The following WRAP73 variants were observed in gnomAD, a reference collection of about 807,000 sequenced individuals.
WRAP73 encodes WD repeat containing, antisense to TP73.
WRAP73 carries 55 observed loss-of-function variants against 59.6 expected under a neutral mutation model. That is an observed-to-expected ratio of 0.92 (90% CI 0.74 to 1.15). WRAP73 has a LOEUF of 1.15. WRAP73 is among the 50% of genes most tolerant of loss of function. The pLI, the probability that WRAP73 is intolerant of heterozygous loss-of-function variation, is 0.00. For synonymous variants in WRAP73, 265 were observed against 258.2 expected (o/e 1.03, Z -0.25); for missense variants, 592 against 608.1 (o/e 0.97, Z 0.28).
At position 3,646,573 on chromosome 1, in the gene WRAP73, C is replaced by A. The variant is rs1644692508; in HGVS notation, c.339+93G>T. On this transcript the variant is annotated intron_variant, in intron 3 of 11. Transcript: ENST00000270708. The surrounding 1 kb of genome is among the most constrained non-coding windows in gnomAD (Gnocchi z 5.1). ...CTGAGGATAAGGGGAGACTAGCATACTCCAAACACACCCCCTCTCGCACTC... is the reference window on the plus strand; with the variant it reads ...CTGAGGATAAGGGGAGACTAGCATAATCCAAACACACCCCCTCTCGCACTC... 4 of 1,030,068 alleles carry A rather than the reference C, an allele frequency of 3.9e-6. No homozygotes were observed. In the South Asian group the frequency reaches 4.8e-5, roughly 12 times the overall value. The allele number at this position is 1,030,068 out of a possible 1,614,324, so 63.8% of individuals were successfully genotyped here. A position where few individuals can be genotyped will look rare whatever the true frequency, so the allele number is the denominator to read the frequency against.
chr1:3,648,376 T>C (rs191565065), intron 1 of WRAP73, among the ~76,000 whole-genome samples: 8 of 152,346 alleles, frequency 5.3e-5, no homozygotes, highest in Admixed American at 5.2e-4. Context: ...GTAGTTTGTG[T>C]TTTATGAACC....
In WRAP73 at chr1:3,646,711, G is replaced by C. The variant is rs763213069; in HGVS notation, c.294C>G (p.Cys98Trp). 1.2e-6 allele frequency: 2 copies of C among 1,608,706 alleles called. No individual in the cohort carries two copies. The highest frequency in any genetic ancestry group is 2.2e-5 in the South Asian group (2 of 90,894). Reference sequence around the variant, plus strand: ...GAATGTGGCGCCCGTCCGGGCTCCAGCACGAGGCCACCAGCCCGGCTGAGC... The same window carrying C: ...GAATGTGGCGCCCGTCCGGGCTCCACCACGAGGCCACCAGCCCGGCTGAGC... ...DEGSAGLVAS[C>W]WSPDGRHILN... is the part of the protein sequence containing the mutation. Residue 98 changes from cysteine (C) to tryptophan (W), a missense_variant, in exon 3 of 12, where the codon TGC (cysteine) becomes TGG (tryptophan). Cys to Trp is a radical substitution (Grantham distance 215). Coordinates refer to ENST00000270708, the MANE Select transcript of WRAP73 (RefSeq NM_017818.4). This position sits in a 1 kb window ranked among gnomAD's most constrained non-coding sequence, Gnocchi z 5.1.
intron 9 of WRAP73, 178 bp downstream of exon 9, chr1:3,633,220 T>G (rs577062215): frequency 3.1e-6 from 2 of 648,048 alleles, no homozygotes; most frequent in Admixed American, 5.3e-5. Flanking sequence ...CACGGCCCAC[T>G]GCGCAATTCA....
In WRAP73 at chr1:3,647,346, AC is replaced by A. The variant is rs1316942590; in HGVS notation, c.222+61del. ...TCAAACTAGAAAGGCACAGAACAAAACCCCTCCTTCCCAGGGGCCCTCAGAA... is the reference window on the plus strand; with the variant it reads ...TCAAACTAGAAAGGCACAGAACAAAACCCTCCTTCCCAGGGGCCCTCAGAA... On this transcript the variant is annotated intron_variant, in intron 2 of 11. Coordinates refer to ENST00000270708, the MANE Select transcript of WRAP73 (RefSeq NM_017818.4). 6 of 1,509,702 alleles carry A rather than the reference AC, an allele frequency of 4.0e-6. No individual in the cohort carries two copies. In the East Asian group the frequency reaches 1.5e-4, roughly 37 times the overall value. The allele number at this position is 1,509,702 out of a possible 1,614,324, so 93.5% of individuals were successfully genotyped here.
chr1:3,633,952 G>C (rs1644565499), intron 8 of WRAP73: 1 of 162,258 alleles, frequency 6.2e-6, no homozygotes, highest in Admixed American at 6.0e-5. Flanking sequence ...TCAGTGGAAG[G>C]CGGGCAGCCC....
At chr1:3,636,328 G>A (rs1008900181) in intron 5 of WRAP73, 18 of 404,996 alleles carry the variant, frequency 4.4e-5, no homozygotes, top group South Asian at 1.2e-4. Flanking sequence ...CCCCGAGGGC[G>A]GCTTGGTCTC....
intron 9 of WRAP73, 26 bp from the exon 10 acceptor site, chr1:3,632,364 C>T: frequency 1.2e-6 from 2 of 1,614,010 alleles, no homozygotes; most frequent in Non-Finnish European, 1.7e-6. Flanking sequence ...GAAGAACACG[C>T]CATTGTCACC....
chr1:3,633,664 C>T, intron 8 of WRAP73, 161 bp from the exon 9 acceptor site: 1 of 601,790 alleles, frequency 1.7e-6, no homozygotes, highest in South Asian at 2.2e-5. Flanking sequence ...CCCCGCAGTC[C>T]CGAGAGCTGA....
intron 10 of WRAP73, chr1:3,631,987 T>A: frequency 7.0e-7 from 1 of 1,422,794 alleles, no homozygotes; most frequent in South Asian, 1.5e-5. Context: ...GTGGAGCAAG[T>A]GAGCAGGGTG....
chr1:3,631,937 C>T (rs575062842), intron 10 of WRAP73: 31 of 1,383,200 alleles, frequency 2.2e-5, no homozygotes, highest in South Asian at 5.2e-5. Context: ...TAACAAAAGG[C>T]GGGCTGCAGT....
rs762146925 is a variant in WRAP73 at position 3,631,058 on chromosome 1, TGAG to T, written c.1297_1299del (p.Leu433del). On this transcript the variant is annotated inframe_deletion, in exon 12 of 12. Coordinates refer to ENST00000270708, the MANE Select transcript of WRAP73 (RefSeq NM_017818.4). ...AAGCAGAGGCAGAAGTGATCCTTGC[TGAG>T]GAGGGCCATCGAGTCTCCGCTTAAA... 1.2e-6 allele frequency: 2 copies of T among 1,613,294 alleles called. No homozygotes were observed. Among genetic ancestry groups the T allele is most frequent in the South Asian group, 2.2e-5 (2 of 91,088 alleles).
At position 3,635,148 on chromosome 1, in the gene WRAP73, A is replaced by C; in HGVS notation, c.738+12T>G. The C allele has an allele frequency of 6.2e-7, 1 of 1,614,130 alleles. No homozygotes were observed. Among genetic ancestry groups the C allele is most frequent in the Non-Finnish European group, 8.5e-7 (1 of 1,180,050 alleles). ...CGGTCGGACTTCCTGAGTGCCCTGCACTGGTTCCCACCTTTCCATCATAGC... is the reference window on the plus strand; with the variant it reads ...CGGTCGGACTTCCTGAGTGCCCTGCCCTGGTTCCCACCTTTCCATCATAGC... On this transcript the variant is annotated intron_variant, in intron 7 of 11. Coordinates refer to ENST00000270708, the MANE Select transcript of WRAP73 (RefSeq NM_017818.4).
chr1:3,634,566 G>A, intron 8 of WRAP73: 1 of 212,268 alleles, frequency 4.7e-6, no homozygotes, highest in Non-Finnish European at 9.7e-6. Context: ...CAGCTCTCCA[G>A]CCCCTTCCCT....
intron 3 of WRAP73, among the ~76,000 whole-genome samples, chr1:3,641,639 C>T (rs953527439): frequency 3.7e-4 from 56 of 152,310 alleles, no homozygotes; most frequent in Middle Eastern, 3.4e-3. Context: ...ATGCCACGGG[C>T]GAACAGTCTT....
At chr1:3,638,194 C>T (rs1644605692) in intron 4 of WRAP73, among the ~76,000 whole-genome samples, 2 of 152,260 alleles carry the variant, frequency 1.3e-5, no homozygotes, top group Non-Finnish European at 2.9e-5. Flanking sequence ...GCACCTCCCA[C>T]TAGCTCTGCG....
At position 3,633,582 on chromosome 1, in the gene WRAP73, CAG is replaced by C. The variant is rs1644561043; in HGVS notation, c.817-81_817-80del. Reference sequence around the variant, plus strand: ...GGATGGACGTGGCAAATGCCCATGACAGCGCATGGTCAACAGGTGTGCCTGCC... The same window carrying C: ...GGATGGACGTGGCAAATGCCCATGACCGCATGGTCAACAGGTGTGCCTGCC... On this transcript the variant is annotated intron_variant, in intron 8 of 11. Coordinates refer to ENST00000270708, the MANE Select transcript of WRAP73 (RefSeq NM_017818.4). 1.9e-5 allele frequency: 21 copies of C among 1,122,298 alleles called. No homozygotes were observed. The Middle Eastern group carries it at 7.6e-4, about 41-fold the overall frequency. The allele number at this position is 1,122,298 out of a possible 1,614,324, so 69.5% of individuals were successfully genotyped here. A position where few individuals can be genotyped will look rare whatever the true frequency, so the allele number is the denominator to read the frequency against.
chr1:3,637,314 G>C (rs1477003502), intron 4 of WRAP73, among the ~76,000 whole-genome samples: 1 of 152,236 alleles, frequency 6.6e-6, no homozygotes, highest in Non-Finnish European at 1.5e-5. Context: ...AACGCAGTGT[G>C]TGCTGGGGGA....
chr1:3,631,396 G>T, intron 11 of WRAP73, 70 bp downstream of exon 11: 1 of 1,520,838 alleles, frequency 6.6e-7, no homozygotes, highest in Non-Finnish European at 8.9e-7. Context: ...GGCTTCAACA[G>T]TTCAGCCCGT....
chr1:3,634,632 G>A (rs1228410014), intron 8 of WRAP73: 4 of 282,404 alleles, frequency 1.4e-5, no homozygotes, highest in South Asian at 7.6e-5. Flanking sequence ...CTCTGGCTGC[G>A]GCCCAGAGCA....
Sources: allele counts gnomAD v4.1 joint callset (sites outside exome capture counted in the v4.1 genomes callset), GRCh38; gene constraint gnomAD v4.1.1; non-coding constraint Gnocchi (gnomAD v3.1); transcripts MANE v1.5; gene names NCBI Gene and HGNC (gene_info 2026-07-23, HGNC 2026-07-21).